Variants in MGMT observed in about 807,000 individuals in gnomAD.
The protein encoded by MGMT is O-6-methylguanine-DNA methyltransferase, also known as methylated-DNA--protein-cysteine methyltransferase.
In MGMT, 14 loss-of-function variants were observed where a neutral mutation model predicts 15.9. The observed-to-expected ratio is 0.88, with a 90% CI of 0.58 to 1.37. MGMT has a LOEUF of 1.37. MGMT is among the 40% of genes most tolerant of loss of function. MGMT has a pLI of 0.00. For synonymous variants in MGMT, 130 were observed against 118.2 expected (o/e 1.10, Z -0.65); for missense variants, 282 against 268.1 (o/e 1.05, Z -0.36).
Position 129,646,754 on chromosome 10 carries a change from A to ATTTTTTTTTTTTT in MGMT, c.126-61137_126-61136insTTTTTTTTTTTTT, listed in dbSNP as rs1554873525. Among the ~76,000 whole-genome samples the ATTTTTTTTTTTTT allele has an allele frequency of 3.2e-3, 280 of 86,308 alleles. 7 individuals are homozygous for ATTTTTTTTTTTTT. The highest frequency in any genetic ancestry group is 7.6e-3 in the African/African-American group (192 of 25,408). The allele number at this position is 86,308 out of a possible 152,430, so 56.6% of individuals were successfully genotyped here. A position where few individuals can be genotyped will look rare whatever the true frequency, so the allele number is the denominator to read the frequency against. ...TATATATATATATATATATATATAT[A>ATTTTTTTTTTTTT]TTTTCAGGGAATGGTAGAGAACAGT... is the stretch of plus-strand genomic sequence containing the variant. On this transcript the variant is annotated intron_variant, in intron 2 of 4. Transcript: ENST00000651593.
chr10:129,725,624 G>T (rs551910598), intron 3 of MGMT, among the ~76,000 whole-genome samples: 1 of 152,216 alleles, frequency 6.6e-6, no homozygotes, highest in Non-Finnish European at 1.5e-5. Flanking sequence ...CCAAAGTGCC[G>T]CCCAGGGCTG....
chr10:129,586,241 C>G (rs1846616547), intron 2 of MGMT, among the ~76,000 whole-genome samples: 1 of 152,252 alleles, frequency 6.6e-6, no homozygotes, highest in Non-Finnish European at 1.5e-5. Context: ...CTCACATATA[C>G]AGTTTGATAA....
intron 2 of MGMT, among the ~76,000 whole-genome samples, chr10:129,579,816 T>G (rs1290959795): frequency 1.3e-5 from 2 of 152,222 alleles, no homozygotes; most frequent in Admixed American, 1.3e-4. Flanking sequence ...CTCTGTGATT[T>G]TGGGAAAGTT....
chr10:129,687,458 A>T (rs1847917772), intron 2 of MGMT, among the ~76,000 whole-genome samples: 1 of 152,058 alleles, frequency 6.6e-6, no homozygotes, highest in Non-Finnish European at 1.5e-5. Context: ...CACAGGGGGG[A>T]CCCAGAAGAG....
chr10:129,632,166 G>A (rs554908044), intron 2 of MGMT, among the ~76,000 whole-genome samples: 4 of 152,214 alleles, frequency 2.6e-5, no homozygotes, highest in Non-Finnish European at 5.9e-5. Flanking sequence ...CCTTAGACAT[G>A]ACTTTTATTG....
intron 2 of MGMT, among the ~76,000 whole-genome samples, chr10:129,654,770 C>G (rs1589917811): frequency 6.6e-6 from 1 of 152,202 alleles, no homozygotes; most frequent in East Asian, 1.9e-4. Flanking sequence ...CCCTCCTGCC[C>G]ATACCTCTAC....
At chr10:129,587,619 G>C (rs1485102946) in intron 2 of MGMT, among the ~76,000 whole-genome samples, 1 of 150,996 alleles carries the variant, frequency 6.6e-6, no homozygotes, top group Non-Finnish European at 1.5e-5. Context: ...CTCCCAAGTA[G>C]CTGAGACTAC....
At chr10:129,707,108 T>A (rs1317897498) in intron 2 of MGMT, among the ~76,000 whole-genome samples, 2 of 151,960 alleles carry the variant, frequency 1.3e-5, no homozygotes, top group African/African-American at 4.8e-5. Context: ...AAACCCCATC[T>A]CTACTAAAGA....
chr10:129,469,700 G>A (rs896021455), intron 1 of MGMT, among the ~76,000 whole-genome samples: 2 of 152,108 alleles, frequency 1.3e-5, no homozygotes, highest in Non-Finnish European at 2.9e-5. Flanking sequence ...GGGTCTTACC[G>A]CAGAATATTA....
intron 2 of MGMT, among the ~76,000 whole-genome samples, chr10:129,676,152 G>A (rs1329462185): frequency 2.0e-5 from 3 of 152,210 alleles, no homozygotes; most frequent in Non-Finnish European, 2.9e-5. Context: ...CATCCTGTGC[G>A]TGAATCAATG....
At chr10:129,623,877 G>A (rs899640820) in intron 2 of MGMT, among the ~76,000 whole-genome samples, 5 of 152,188 alleles carry the variant, frequency 3.3e-5, no homozygotes, top group Non-Finnish European at 7.3e-5. Context: ...GGAGAATGTA[G>A]ACCCCACACC....
At chr10:129,528,333 ATGGAGAGCTGCAGTGTAGTGGCTG>A (rs1251989373) in intron 1 of MGMT, among the ~76,000 whole-genome samples, 1 of 142,790 alleles carries the variant, frequency 7.0e-6, no homozygotes, top group Non-Finnish European at 1.5e-5. Context: ...TATAGTGGCC[ATGGAGAGCTGCAGTGTAGTGGCTG>A]TGGAGAGCTG....
At chr10:129,707,825 G>A in intron 2 of MGMT, 70 bp from the exon 3 acceptor site, 4 of 1,592,742 alleles carry the variant, frequency 2.5e-6, no homozygotes, top group Non-Finnish European at 3.4e-6. Flanking sequence ...AGATGCAGTA[G>A]GTGTTTGCTT....
chr10:129,730,439 G>A (rs917799354), intron 3 of MGMT, among the ~76,000 whole-genome samples: 9 of 152,184 alleles, frequency 5.9e-5, no homozygotes, highest in South Asian at 2.1e-4. Context: ...GCGAGCGTGC[G>A]TATTCATTCT....
At chr10:129,694,796 A>C (rs2133130787) in intron 2 of MGMT, among the ~76,000 whole-genome samples, 1 of 152,284 alleles carries the variant, frequency 6.6e-6, no homozygotes, top group East Asian at 1.9e-4. Context: ...TCAAAGGAGA[A>C]AGGGAGGGGG....
intron 2 of MGMT, among the ~76,000 whole-genome samples, chr10:129,589,509 T>G (rs1410679358): frequency 1.3e-5 from 2 of 152,266 alleles, no homozygotes; most frequent in African/African-American, 4.8e-5. Context: ...TTTATTTGCT[T>G]CTTGTGGCCT....
chr10:129,724,259 C>T (rs530651327), intron 3 of MGMT, among the ~76,000 whole-genome samples: 1 of 152,178 alleles, frequency 6.6e-6, no homozygotes, highest in East Asian at 1.9e-4. Context: ...GTCTCGGTAA[C>T]GTCATGCTGA....
intron 2 of MGMT, among the ~76,000 whole-genome samples, chr10:129,673,316 A>G (rs538340404): frequency 1.3e-5 from 2 of 152,332 alleles, no homozygotes; most frequent in South Asian, 4.1e-4. Flanking sequence ...TGTTATAAGC[A>G]ACACTAACAA....
intron 3 of MGMT, among the ~76,000 whole-genome samples, chr10:129,736,966 G>C (rs1425311082): frequency 6.6e-6 from 1 of 152,300 alleles, no homozygotes; most frequent in South Asian, 2.1e-4. Context: ...AGGGTAACCC[G>C]ACCTTTCTCT....
Sources: allele counts gnomAD v4.1 joint callset (sites outside exome capture counted in the v4.1 genomes callset), GRCh38; gene constraint gnomAD v4.1.1; transcripts MANE v1.5; gene names NCBI Gene and HGNC (gene_info 2026-07-23, HGNC 2026-07-21).